Variants in PTPRD observed in about 807,000 individuals in gnomAD.
The protein encoded by PTPRD is protein tyrosine phosphatase receptor type D.
A neutral mutation model predicts 214.5 loss-of-function variants in PTPRD; 34 were observed. That is an observed-to-expected ratio of 0.16 (90% CI 0.12 to 0.21). The LOEUF (loss-of-function observed/expected upper bound fraction) is 0.21, where lower values mean the gene tolerates loss of function less well. Ranked by LOEUF, PTPRD falls within the 10% of genes least tolerant of loss-of-function variation. The pLI, the probability that PTPRD is intolerant of heterozygous loss-of-function variation, is 1.00. For synonymous variants in PTPRD, 1,128 were observed against 845.7 expected (o/e 1.33, Z -5.79); for missense variants, 2,545 against 2,398.7 (o/e 1.06, Z -1.27).
chr9:9,710,375 G>T (rs910633073), intron 7 of PTPRD, among the ~76,000 whole-genome samples: 2 of 152,014 alleles, frequency 1.3e-5, no homozygotes, highest in African/African-American at 4.8e-5. Flanking sequence ...CTTACAATGG[G>T]AAAGGTGATT....
intron 12 of PTPRD, among the ~76,000 whole-genome samples, chr9:8,641,600 C>T (rs562388219): frequency 3.0e-5 from 4 of 133,692 alleles, no homozygotes; most frequent in Admixed American, 6.9e-5. Flanking sequence ...CATGCATATG[C>T]GTCACAACAG....
At chr9:9,372,396 T>C (rs892237207) in intron 9 of PTPRD, among the ~76,000 whole-genome samples, 18 of 152,146 alleles carry the variant, frequency 1.2e-4, no homozygotes, top group African/African-American at 4.1e-4. Flanking sequence ...TTGATCTTTG[T>C]TGGTTTAAAG....
At chr9:10,103,663 C>T (rs376604909) in intron 3 of PTPRD, among the ~76,000 whole-genome samples, 1 of 151,356 alleles carries the variant, frequency 6.6e-6, no homozygotes, top group South Asian at 2.1e-4. Flanking sequence ...CTTGATCCCT[C>T]CCCACCACTG....
At chr9:10,534,098 T>C (rs917437475) in intron 2 of PTPRD, among the ~76,000 whole-genome samples, 1 of 151,902 alleles carries the variant, frequency 6.6e-6, no homozygotes, top group Non-Finnish European at 1.5e-5. Flanking sequence ...TTCTAAAAAA[T>C]ATTTCATTAA....
At chr9:10,408,009 T>C (rs1471143621) in intron 2 of PTPRD, among the ~76,000 whole-genome samples, 1 of 151,618 alleles carries the variant, frequency 6.6e-6, no homozygotes, top group Non-Finnish European at 1.5e-5. Flanking sequence ...ATGTTACATG[T>C]GTATACATAT....
chr9:8,524,931 C>T lies in PTPRD; in HGVS notation c.673G>A (p.Val225Ile), dbSNP rs2139181982. Residue 225 changes from valine to isoleucine, a missense_variant, in exon 18 of 46, where the codon GTC becomes ATC. Transcript: ENST00000381196. ...AGGGTTATGTCATTCCTACCTCTGA[C>T]ATATAAATTGGCAGGAGCGGAATAG... is the stretch of plus-strand genomic sequence containing the variant. ...TRYSAPANLY[V>I]RELREVRRVP... The T allele has an allele frequency of 1.9e-6, 3 of 1,613,322 alleles. No individual in the cohort carries two copies. Among genetic ancestry groups the T allele is most frequent in the Non-Finnish European group, 2.5e-6 (3 of 1,179,434 alleles).
chr9:8,437,116 C>T, intron 34 of PTPRD: 1 of 931,070 alleles, frequency 1.1e-6, no homozygotes, highest in South Asian at 1.6e-5. Context: ...AGAAAACAGA[C>T]ACTGAGAAAG....
At chr9:8,788,760 T>C (rs1190592621) in intron 11 of PTPRD, among the ~76,000 whole-genome samples, 2 of 152,152 alleles carry the variant, frequency 1.3e-5, no homozygotes, top group Non-Finnish European at 2.9e-5. Context: ...GTCAATCCTA[T>C]TGCTTCCAAC....
chr9:9,488,686 G>A (rs1429503176), intron 8 of PTPRD, among the ~76,000 whole-genome samples: 1 of 152,184 alleles, frequency 6.6e-6, no homozygotes, highest in African/African-American at 2.4e-5. Flanking sequence ...TATATCTGAT[G>A]TAAACATTTT....
At chr9:10,537,796 T>A (rs904801613) in intron 2 of PTPRD, among the ~76,000 whole-genome samples, 1 of 152,164 alleles carries the variant, frequency 6.6e-6, no homozygotes, top group African/African-American at 2.4e-5. Flanking sequence ...TTACATGACT[T>A]AAACTGAAAC....
rs560503141 is a variant in PTPRD at position 9,493,133 on chromosome 9, C to G, written c.-237+81599G>C. ...TGTATCAGAATAATTTTACATCTCT[C>G]ACTGTAAATAAAGAGCTATAGAAGC... On this transcript the variant is annotated intron_variant, in intron 8 of 45. Transcript: ENST00000381196. 2.6e-5 allele frequency among the ~76,000 whole-genome samples: 4 copies of G among 151,872 alleles called. No individual in the cohort carries two copies. The South Asian group carries it at 8.3e-4, about 32-fold the overall frequency.
At chr9:9,589,603 C>T (rs1363772673) in intron 7 of PTPRD, among the ~76,000 whole-genome samples, 1 of 151,914 alleles carries the variant, frequency 6.6e-6, no homozygotes, top group African/African-American at 2.4e-5. Context: ...ATAACTTTTG[C>T]AGTAATTACA....
At chr9:9,010,602 C>A (rs1343286868) in intron 11 of PTPRD, among the ~76,000 whole-genome samples, 1 of 152,304 alleles carries the variant, frequency 6.6e-6, no homozygotes, top group East Asian at 1.9e-4. Context: ...AGGTTAGGTT[C>A]TTACTGAGTG....
At chr9:8,851,187 G>A (rs550276491) in intron 11 of PTPRD, among the ~76,000 whole-genome samples, 1 of 139,240 alleles carries the variant, frequency 7.2e-6, no homozygotes, top group Admixed American at 7.2e-5. Context: ...TTTCTAAGAT[G>A]CACTACCATT....
At chr9:9,286,873 A>AATATATATATAT (rs34631864) in intron 9 of PTPRD, among the ~76,000 whole-genome samples, 6 of 77,084 alleles carry the variant, frequency 7.8e-5, no homozygotes, top group African/African-American at 1.7e-4. Flanking sequence ...GAAACTACTG[A>AATATATATATAT]ATATATATAT....
chr9:8,853,729 C>T (rs1601934724), intron 11 of PTPRD, among the ~76,000 whole-genome samples: 1 of 152,186 alleles, frequency 6.6e-6, no homozygotes, highest in African/African-American at 2.4e-5. Flanking sequence ...GAGAGAATAA[C>T]TCTTCTCTTT....
Position 9,717,837 on chromosome 9 carries a change from G to C in PTPRD, c.-287+16696C>G, listed in dbSNP as rs12554588. Among the ~76,000 whole-genome samples, 4,323 of 152,086 alleles carry C rather than the reference G, an allele frequency of 0.028. 447 individuals carry two copies. In the East Asian group the frequency reaches 0.36, roughly 13 times the overall value. Reference sequence around the variant, plus strand: ...TAATATGGGAACATACAAACCACTTGATACTTTTATCTGTAAAACACTTAG... The same window carrying C: ...TAATATGGGAACATACAAACCACTTCATACTTTTATCTGTAAAACACTTAG... On this transcript the variant is annotated intron_variant, in intron 7 of 45. Coordinates refer to ENST00000381196, the MANE Select transcript of PTPRD (RefSeq NM_002839.4).
At chr9:10,165,487 A>G (rs145436926) in intron 3 of PTPRD, among the ~76,000 whole-genome samples, 317 of 151,970 alleles carry the variant, frequency 2.1e-3, no homozygotes, top group African/African-American at 7.4e-3. Flanking sequence ...AAAAATATTT[A>G]GCTCTGTGTA....
chr9:10,181,942 T>TAAAAAAA (rs3075573), intron 3 of PTPRD, among the ~76,000 whole-genome samples: 2 of 38,514 alleles, frequency 5.2e-5, no homozygotes, highest in Non-Finnish European at 1.1e-4. Flanking sequence ...TCATAAATAC[T>TAAAAAAA]AAAAAAAAAA....
Sources: allele counts gnomAD v4.1 joint callset (sites outside exome capture counted in the v4.1 genomes callset), GRCh38; gene constraint gnomAD v4.1.1; transcripts MANE v1.5; gene names NCBI Gene and HGNC (gene_info 2026-07-23, HGNC 2026-07-21).